Variants in ATP5F1C observed in about 807,000 individuals in gnomAD.
The protein encoded by ATP5F1C is ATP synthase F(1) complex subunit gamma, mitochondrial.
Under a neutral mutation model 37.4 loss-of-function variants are expected in ATP5F1C, and 22 were observed. That is an observed-to-expected ratio of 0.59 (90% confidence interval 0.42 to 0.84). The LOEUF is 0.84. ATP5F1C is among the 40% of genes least tolerant of loss of function. The pLI is 0.00. For synonymous variants in ATP5F1C, 121 were observed against 128.0 expected (o/e 0.95, Z 0.37); for missense variants, 286 against 362.4 (o/e 0.79, Z 1.71).
At chr10:7,802,684 C>G in intron 7 of ATP5F1C, 74 bp from the exon 8 acceptor site, 1 of 1,461,690 alleles carries the variant, frequency 6.8e-7, no homozygotes, top group Non-Finnish European at 9.3e-7. Flanking sequence ...TTAAATTAAG[C>G]AACAGAAGTT....
chr10:7,804,259 A>G, intron 8 of ATP5F1C: 2 of 513,954 alleles, frequency 3.9e-6, no homozygotes, highest in Non-Finnish European at 7.8e-6. Context: ...TATGAGGAAA[A>G]TAACAAAATC....
chr10:7,798,862 T>C, intron 3 of ATP5F1C, 128 bp from the exon 4 acceptor site: 1 of 850,438 alleles, frequency 1.2e-6, no homozygotes, highest in Non-Finnish European at 1.8e-6. Context: ...AACACCTGCT[T>C]ACACTAGGCA....
chr10:7,790,604 A>T (rs1413071433), intron 1 of ATP5F1C, among the ~76,000 whole-genome samples: 3 of 152,248 alleles, frequency 2.0e-5, no homozygotes, highest in African/African-American at 4.8e-5. Context: ...ACAAATTGTC[A>T]TCTGAGACCA....
At chr10:7,798,619 A>T (rs947956650) in intron 3 of ATP5F1C, among the ~76,000 whole-genome samples, 1 of 152,150 alleles carries the variant, frequency 6.6e-6, no homozygotes, top group Non-Finnish European at 1.5e-5. Context: ...CGTGGTCTTG[A>T]TATCGTGACC....
Position 7,796,587 on chromosome 10 carries a change from C to CTTT in ATP5F1C, c.91+433_91+434insTTT, listed in dbSNP as rs144682242. ...TGCCTTCCTTTTATTAGTACTATTT[C>CTTT]TATTTTTTTTTTTTGGAGATGGAGC... On this transcript the variant is annotated intron_variant, in intron 2 of 9. Coordinates refer to ENST00000356708, the MANE Select transcript of ATP5F1C (RefSeq NM_001001973.3). 40 of 144,758 alleles carry CTTT rather than the reference C, an allele frequency of 2.8e-4. 5 individuals carry two copies. Among genetic ancestry groups the CTTT allele is most frequent in the Middle Eastern group, 3.7e-3 (1 of 270 alleles). 9.0% of individuals were successfully genotyped at this position (144,758 alleles called of 1,614,324 possible).
intron 8 of ATP5F1C, chr10:7,804,101 G>A (rs566224704): frequency 5.8e-6 from 3 of 519,022 alleles, no homozygotes; most frequent in African/African-American, 5.8e-5. Context: ...AACAGAGGTT[G>A]CTAAACTGTG....
intron 1 of ATP5F1C, among the ~76,000 whole-genome samples, chr10:7,789,996 T>G (rs982869925): frequency 6.6e-6 from 1 of 152,234 alleles, no homozygotes; most frequent in African/African-American, 2.4e-5. Flanking sequence ...TTATAAATCA[T>G]CAATCAACAG....
chr10:7,802,177 A>T, intron 6 of ATP5F1C, 93 bp from the exon 7 acceptor site: 1 of 1,277,764 alleles, frequency 7.8e-7, no homozygotes, highest in Non-Finnish European at 1.1e-6. Flanking sequence ...TCTGCTCTGT[A>T]ATTATAAAGG....
At position 7,800,165 on chromosome 10, in the gene ATP5F1C, T is replaced by C. The variant is rs879639113; in HGVS notation, c.637+74T>C. The C allele has an allele frequency of 8.0e-5, 111 of 1,389,050 alleles. No individual in the cohort carries two copies. In the Middle Eastern group the frequency reaches 3.0e-3, roughly 38 times the overall value. 86.0% of individuals were successfully genotyped at this position (1,389,050 alleles called of 1,614,324 possible). A position where few individuals can be genotyped will look rare whatever the true frequency, so the allele number is the denominator to read the frequency against. On this transcript the variant is annotated intron_variant, in intron 6 of 9. Transcript: ENST00000356708. ...GATTTGTACACTAAGGCAGACAGTG[T>C]CAAGATATCTGGTGGTAGCTATAGC...
At chr10:7,802,188 A>C in intron 6 of ATP5F1C, 82 bp from the exon 7 acceptor site, 4 of 1,363,302 alleles carry the variant, frequency 2.9e-6, no homozygotes, top group Non-Finnish European at 4.0e-6. Flanking sequence ...ATTATAAAGG[A>C]GTTTTACACT....
rs185853149 is a variant in ATP5F1C, at chr10:7,800,309, C to T, written c.637+218C>T. Reference sequence around the variant, plus strand: ...CTCCTGGGTTCACACCATTCTCCTGCCTCAGCCTCCCTAGTACCTGGGACT... The same window carrying T: ...CTCCTGGGTTCACACCATTCTCCTGTCTCAGCCTCCCTAGTACCTGGGACT... On this transcript the variant is annotated intron_variant, in intron 6 of 9. Transcript: ENST00000356708. 7.2e-3 allele frequency among the ~76,000 whole-genome samples: 1,089 copies of T among 152,210 alleles called. 27 individuals carry two copies. The highest frequency in any genetic ancestry group is 0.044 in the Admixed American group (677 of 15,284).
At position 7,807,790 on chromosome 10, in the gene ATP5F1C, C is replaced by T. The variant is rs575094807; in HGVS notation, c.*162C>T. ...TTGTAAATTATCTTAAAATAAACAA[C>T]TTAAAATAAAATCATTGTTTTTCTT... On this transcript the variant is annotated 3_prime_UTR_variant, in exon 10 of 10. Coordinates refer to ENST00000356708, the MANE Select transcript of ATP5F1C (RefSeq NM_001001973.3). The T allele has an allele frequency of 3.1e-5, 32 of 1,041,618 alleles. No individual in the cohort carries two copies. Among genetic ancestry groups the T allele is most frequent in the Non-Finnish European group, 3.8e-5 (28 of 744,004 alleles). 64.5% of individuals were successfully genotyped at this position (1,041,618 alleles called of 1,614,324 possible).
intron 8 of ATP5F1C, 48 bp downstream of exon 8, chr10:7,802,902 C>T (rs1288522496): frequency 4.0e-6 from 6 of 1,518,878 alleles, no homozygotes; most frequent in African/African-American, 1.4e-5. Flanking sequence ...TTTCCTCTTG[C>T]TGTGTCTGCT....
intron 1 of ATP5F1C, among the ~76,000 whole-genome samples, chr10:7,788,671 G>A (rs1836100148): frequency 6.6e-6 from 1 of 152,210 alleles, no homozygotes; most frequent in Non-Finnish European, 1.5e-5. Context: ...CCAGGGGAAG[G>A]TTAAGTCGTG....
intron 9 of ATP5F1C, among the ~76,000 whole-genome samples, 162 bp from the exon 10 acceptor site, chr10:7,807,497 G>A (rs953857161): frequency 6.6e-6 from 1 of 152,118 alleles, no homozygotes; most frequent in African/African-American, 2.4e-5. Flanking sequence ...CCCCATGAAA[G>A]GTTCCCCAGA....
chr10:7,788,222 G>A lies in ATP5F1C; in HGVS notation c.15G>A (p.Ala5=). 1 of 1,613,526 alleles carries A rather than the reference G, an allele frequency of 6.2e-7. No individual in the cohort carries two copies. The highest frequency in any genetic ancestry group is 1.1e-5 in the South Asian group (1 of 91,020). MFSR[A]GVAGLSAWTL... ...CTGTGGCTACCATGTTCTCTCGCGC[G>A]GGTGTCGCTGGGCTGTCGGCCTGGA... The change falls in exon 1 of 10, where the codon GCG becomes GCA. Residue 5 remains alanine, a synonymous_variant. Transcript: ENST00000356708.
rs188238223 is a variant in ATP5F1C, at chr10:7,796,874, G to A, written c.92-173G>A. 8.6e-4 allele frequency: 556 copies of A among 646,006 alleles called. 8 individuals are homozygous for A. The highest frequency in any genetic ancestry group is 6.3e-4 in the Admixed American group (18 of 28,722). 40.0% of individuals were successfully genotyped at this position (646,006 alleles called of 1,614,324 possible). On this transcript the variant is annotated intron_variant, in intron 2 of 9. Transcript: ENST00000356708. Reference sequence around the variant, plus strand: ...GCTGGGATTACAGGCGTGAGCCACCGTGCCCGGCTATTAGTACTAGTTCTA... The same window carrying A: ...GCTGGGATTACAGGCGTGAGCCACCATGCCCGGCTATTAGTACTAGTTCTA...
At chr10:7,796,900 A>G (rs1836249797) in intron 2 of ATP5F1C, 147 bp from the exon 3 acceptor site, 1 of 914,460 alleles carries the variant, frequency 1.1e-6, no homozygotes, top group Non-Finnish European at 1.6e-6. Flanking sequence ...ACTAGTTCTA[A>G]TATTAAGACT....
intron 6 of ATP5F1C, 51 bp from the exon 7 acceptor site, chr10:7,802,218 AT>A (rs1836379528): frequency 1.3e-6 from 2 of 1,523,584 alleles, no homozygotes; most frequent in East Asian, 4.6e-5. Context: ...TTTTTGATGA[AT>A]TACTATTCCT....
Sources: allele counts gnomAD v4.1 joint callset (sites outside exome capture counted in the v4.1 genomes callset), GRCh38; gene constraint gnomAD v4.1.1; transcripts MANE v1.5; gene names NCBI Gene and HGNC (gene_info 2026-07-23, HGNC 2026-07-21).